The following COL23A1 variants were observed in gnomAD, a reference collection of about 807,000 sequenced individuals.
COL23A1 encodes collagen type XXIII alpha 1 chain, also known as collagen alpha-1(XXIII) chain.
A neutral mutation model predicts 99.3 loss-of-function variants in COL23A1; 97 were observed. The observed-to-expected ratio is 0.98, with a 90% CI of 0.83 to 1.16. The LOEUF (loss-of-function observed/expected upper bound fraction) is 1.16. COL23A1 is among the 50% of genes most tolerant of loss of function. The pLI is 0.00. For missense variants in COL23A1, 762 were observed against 757.4 expected (o/e 1.01, Z -0.07); for synonymous variants, 320 against 308.2 (o/e 1.04, Z -0.40).
chr5:178,523,163 C>CATATATATATATATATATATACACATAT lies in COL23A1; in HGVS notation c.361+37518_361+37519insATATGTGTATATATATATATATATATAT, dbSNP rs70997608. On this transcript the variant is annotated intron_variant, in intron 2 of 28. Coordinates refer to ENST00000390654, the MANE Select transcript of COL23A1 (RefSeq NM_173465.4). ...TTAAAAATATATATATATATATATACATATATATATATATACACATATATA... is the reference window on the plus strand; with the variant it reads ...TTAAAAATATATATATATATATATACATATATATATATATATATATACACATATATATATATATATATACACATATATA... Among the ~76,000 whole-genome samples, 54 of 95,286 alleles carry CATATATATATATATATATATACACATAT rather than the reference C, an allele frequency of 5.7e-4. 1 individual carries two copies. Among genetic ancestry groups the CATATATATATATATATATATACACATAT allele is most frequent in the Admixed American group, 4.6e-3 (33 of 7,126 alleles). The allele number at this position is 95,286 out of a possible 152,430, so 62.5% of individuals were successfully genotyped here. A position where few individuals can be genotyped will look rare whatever the true frequency, so the allele number is the denominator to read the frequency against.
chr5:178,478,454 T>C (rs186916415), intron 2 of COL23A1, among the ~76,000 whole-genome samples: 88 of 152,356 alleles, frequency 5.8e-4, no homozygotes, highest in African/African-American at 1.9e-3. Flanking sequence ...CACTTCTTCA[T>C]TGCCCAGATT....
intron 2 of COL23A1, among the ~76,000 whole-genome samples, chr5:178,516,361 C>T (rs776580569): frequency 2.6e-5 from 4 of 152,234 alleles, no homozygotes; most frequent in Non-Finnish European, 5.9e-5. Context: ...GCACCCAGCT[C>T]AGATGCCAAC....
intron 2 of COL23A1, among the ~76,000 whole-genome samples, chr5:178,414,541 G>A (rs1765208148): frequency 1.3e-5 from 2 of 152,182 alleles, no homozygotes. Flanking sequence ...GGAGGCCGAG[G>A]TGGGCAGATC....
In COL23A1 at chr5:178,362,369, G is replaced by A. The variant is rs113194160; in HGVS notation, c.362-55450C>T. Among the ~76,000 whole-genome samples the A allele has an allele frequency of 7.9e-5, 12 of 152,284 alleles. 1 individual carries two copies. Among genetic ancestry groups the A allele is most frequent in the African/African-American group, 2.6e-4 (11 of 41,556 alleles). ...CATGGACAGCTCTGTGTCTCAGTGG[G>A]CCCACAGCACGACACCAGCCTCTGG... is the stretch of plus-strand genomic sequence containing the variant. On this transcript the variant is annotated intron_variant, in intron 2 of 28. Transcript: ENST00000390654.
intron 9 of COL23A1, among the ~76,000 whole-genome samples, chr5:178,262,883 G>A (rs151248989): frequency 3.9e-4 from 60 of 152,242 alleles, no homozygotes; most frequent in Middle Eastern, 3.4e-3. Flanking sequence ...AATTGGGGGC[G>A]TAGACCAGGA....
At chr5:178,417,637 G>T (rs2127790319) in intron 2 of COL23A1, among the ~76,000 whole-genome samples, 1 of 152,262 alleles carries the variant, frequency 6.6e-6, no homozygotes, top group South Asian at 2.1e-4. Flanking sequence ...AGCGACATTT[G>T]AAAGAATGCT....
chr5:178,264,044 C>T lies in COL23A1; in HGVS notation c.523-720G>A, dbSNP rs529508574. Among the ~76,000 whole-genome samples the T allele has an allele frequency of 6.6e-5, 10 of 152,168 alleles. No individual in the cohort carries two copies. The East Asian group carries it at 1.7e-3, about 26-fold the overall frequency. On this transcript the variant is annotated intron_variant, in intron 8 of 28. Transcript: ENST00000390654. ...TGGAGAGCCCATAATGGTTGCCAGG[C>T]GTTAGGGATGGGGGGATGAAGGTGA...
chr5:178,463,383 T>C (rs186780087), intron 2 of COL23A1, among the ~76,000 whole-genome samples: 60 of 152,366 alleles, frequency 3.9e-4, no homozygotes, highest in Non-Finnish European at 7.2e-4. Flanking sequence ...TGGTATTCTC[T>C]TCCTGGGCTG....
intron 2 of COL23A1, among the ~76,000 whole-genome samples, chr5:178,466,773 A>G (rs1241660261): frequency 6.6e-6 from 1 of 152,204 alleles, no homozygotes; most frequent in East Asian, 1.9e-4. Context: ...GCTGGGAAGG[A>G]CTGTTGGAGC....
rs138422437 is a variant in COL23A1 at position 178,372,263 on chromosome 5, G to A, written c.362-65344C>T. ...GCCCAGGAGAGTGGTGCTGGGCTCC[G>A]ATGTGGCTGGGAGCTGGCACAATTT... On this transcript the variant is annotated intron_variant, in intron 2 of 28. Transcript: ENST00000390654. 3.8e-3 allele frequency among the ~76,000 whole-genome samples: 572 copies of A among 152,354 alleles called. 3 individuals carry two copies. Among genetic ancestry groups the A allele is most frequent in the African/African-American group, 0.013 (542 of 41,584 alleles).
chr5:178,534,378 G>T (rs768527983), intron 2 of COL23A1, among the ~76,000 whole-genome samples: 2 of 152,146 alleles, frequency 1.3e-5, no homozygotes, highest in Non-Finnish European at 2.9e-5. Context: ...CCGCCTTCAC[G>T]GTGAGGATTT....
At chr5:178,304,518 A>G (rs992632292) in intron 3 of COL23A1, among the ~76,000 whole-genome samples, 3 of 150,576 alleles carry the variant, frequency 2.0e-5, no homozygotes, top group African/African-American at 7.3e-5. Context: ...AAAAAAAAAA[A>G]AAAAAAAAAA....
intron 2 of COL23A1, chr5:178,345,020 T>C (rs1760882545): frequency 1.7e-6 from 1 of 578,316 alleles, no homozygotes; most frequent in Non-Finnish European, 3.3e-6. Context: ...AAGCTGAGGA[T>C]ACTCACCACC....
intron 22 of COL23A1, among the ~76,000 whole-genome samples, chr5:178,246,736 G>A (rs201344520): frequency 0.47 from 42,260 of 90,720 alleles, 6,791 homozygotes; most frequent in African/African-American, 0.5. Context: ...GGCGGGGGGG[G>A]GGGGACAGGC....
intron 5 of COL23A1, among the ~76,000 whole-genome samples, chr5:178,278,652 G>C (rs1241310377): frequency 6.6e-6 from 1 of 152,020 alleles, no homozygotes; most frequent in African/African-American, 2.4e-5. Context: ...CACCCTCCTG[G>C]GCCAGCCTCC....
chr5:178,487,793 G>A (rs999524315), intron 2 of COL23A1, among the ~76,000 whole-genome samples: 6 of 152,252 alleles, frequency 3.9e-5, no homozygotes, highest in Admixed American at 1.3e-4. Flanking sequence ...ATCCTAACTC[G>A]GAACAGCCAG....
In COL23A1 at chr5:178,239,154, C is replaced by T; in HGVS notation, c.1607G>A (p.Gly536Asp). 1 of 1,614,114 alleles carries T rather than the reference C, an allele frequency of 6.2e-7. No individual in the cohort carries two copies. Among genetic ancestry groups the T allele is most frequent in the Non-Finnish European group, 8.5e-7 (1 of 1,180,002 alleles). The change falls in exon 28 of 29, where the codon GGC (glycine) becomes GAC (aspartate). Residue 536 changes from glycine (G) to aspartate (D), a missense_variant. Physicochemically the swap from Gly to Asp is moderately conservative, Grantham distance 94. Transcript: ENST00000390654. Reference protein sequence around the residue: ...PVGPDGLPVPGCWHK With the variant: ...PVGPDGLPVPDCWHK ...CCTGCACGGTACCTTATGCCAGCAG[C>T]CAGGCACAGGCAGCCCGTCGGGGCC... is the stretch of plus-strand genomic sequence containing the variant.
rs375147694 is a variant in COL23A1, at chr5:178,341,802, C to T, written c.362-34883G>A. Reference sequence around the variant, plus strand: ...CTCCAGCAGCAGCCGGCACCCCGCCCGCCTCAGGACCTGACCCTTGGCTCT... The same window carrying T: ...CTCCAGCAGCAGCCGGCACCCCGCCTGCCTCAGGACCTGACCCTTGGCTCT... On this transcript the variant is annotated intron_variant, in intron 2 of 28. Transcript: ENST00000390654. Among the ~76,000 whole-genome samples the T allele has an allele frequency of 5.9e-5, 9 of 152,274 alleles. No individual in the cohort carries two copies. In the East Asian group the frequency reaches 1.2e-3, roughly 20 times the overall value.
intron 2 of COL23A1, among the ~76,000 whole-genome samples, chr5:178,314,646 A>G (rs534862567): frequency 2.6e-5 from 4 of 152,272 alleles, no homozygotes; most frequent in Non-Finnish European, 5.9e-5. Flanking sequence ...TGTTTAATAA[A>G]AGCAAGAGCC....
Sources: gnomAD v4.1 joint callset for allele counts (sites outside exome capture counted in the v4.1 genomes callset) on GRCh38, gnomAD v4.1.1 for gene constraint, MANE v1.5 for transcripts, NCBI Gene and HGNC (gene_info 2026-07-23, HGNC 2026-07-21) for gene names.